Variants in DHRS12 observed in about 807,000 individuals in gnomAD.
The protein encoded by DHRS12 is dehydrogenase/reductase SDR family member 12.
A neutral mutation model predicts 32.1 loss-of-function variants in DHRS12; 29 were observed. That is an observed-to-expected ratio of 0.90 (90% CI 0.67 to 1.23). DHRS12 has a LOEUF of 1.23. DHRS12 is among the 50% of genes most tolerant of loss of function. The probability of loss-of-function intolerance (pLI) is 0.00; values close to 1 mark genes in which losing one functional copy is unlikely to be tolerated. For synonymous variants in DHRS12, 150 were observed against 135.9 expected (o/e 1.10, Z -0.72); for missense variants, 330 against 337.2 (o/e 0.98, Z 0.17).
At chr13:51,791,364 G>T in intron 2 of DHRS12, 107 bp from the exon 3 acceptor site, 1 of 609,140 alleles carries the variant, frequency 1.6e-6, no homozygotes, top group Non-Finnish European at 2.7e-6. Context: ...ACTTTGAAAT[G>T]ATATAAAACG....
In DHRS12 at chr13:51,782,922, G is replaced by T. The variant is rs1954785515; in HGVS notation, c.302-5801C>A. On this transcript the variant is annotated intron_variant, in intron 4 of 8. Coordinates refer to ENST00000444610, the MANE Select transcript of DHRS12 (RefSeq NM_001377533.1). This position sits in a 1 kb window ranked among gnomAD's most constrained non-coding sequence, Gnocchi z 4.2. ...AGGTCCTGGCCCACAGGAGGACTTG[G>T]ATTTGGGGCCGGTGCTCCTAGGCCA... Among the ~76,000 whole-genome samples, 2 of 152,192 alleles carry T rather than the reference G, an allele frequency of 1.3e-5. No homozygotes were observed. The highest frequency in any genetic ancestry group is 1.3e-4 in the Admixed American group (2 of 15,290).
intron 6 of DHRS12, among the ~76,000 whole-genome samples, chr13:51,773,567 G>A (rs1954145137): frequency 6.6e-6 from 1 of 152,092 alleles, no homozygotes. Flanking sequence ...CCCTCCCAGT[G>A]AGCCTCCGGG....
chr13:51,774,061 A>C (rs375957146), intron 5 of DHRS12, 27 bp from the exon 6 acceptor site: 29 of 1,607,570 alleles, frequency 1.8e-5, no homozygotes, highest in East Asian at 1.1e-4. Context: ...AGAGATTTAC[A>C]AACTAAAGCC....
rs982838935 is a variant in DHRS12, at chr13:51,798,001, G to T, written c.126+1533C>A. On this transcript the variant is annotated intron_variant, in intron 2 of 8. Coordinates refer to ENST00000444610, the MANE Select transcript of DHRS12 (RefSeq NM_001377533.1). Reference sequence around the variant, plus strand: ...AAAAATGAAGACATATGGGCTCACAGTTGACACTCTTCTGTTAAGCCTAGA... The same window carrying T: ...AAAAATGAAGACATATGGGCTCACATTTGACACTCTTCTGTTAAGCCTAGA... 5 of 1,253,542 alleles carry T rather than the reference G, an allele frequency of 4.0e-6. No individual in the cohort carries two copies. In the African/African-American group the frequency reaches 5.9e-5, roughly 15 times the overall value. 77.7% of individuals were successfully genotyped at this position (1,253,542 alleles called of 1,614,324 possible). A position where few individuals can be genotyped will look rare whatever the true frequency, so the allele number is the denominator to read the frequency against.
At chr13:51,768,351 C>T (rs1175773696) in intron 8 of DHRS12, 55 bp from the exon 9 acceptor site, 8 of 1,533,376 alleles carry the variant, frequency 5.2e-6, no homozygotes, top group Non-Finnish European at 7.0e-6. Flanking sequence ...GTGGCTGGGT[C>T]CATGTCCCTG....
At chr13:51,786,521 A>G (rs750101128) in intron 4 of DHRS12, among the ~76,000 whole-genome samples, 1 of 152,120 alleles carries the variant, frequency 6.6e-6, no homozygotes, top group Non-Finnish European at 1.5e-5. Flanking sequence ...CTTCCCCTCC[A>G]TGGCTCAACT....
At chr13:51,758,167 C>G in the DHRS12 span, 1 of 1,528,240 alleles carries the variant, frequency 6.5e-7, no homozygotes, top group South Asian at 1.2e-5. Flanking sequence ...CTTTTCCCCT[C>G]AGAAGCTTTC....
chr13:51,787,797 T>TAATATA (rs10657566), intron 4 of DHRS12, among the ~76,000 whole-genome samples: 1 of 125,988 alleles, frequency 7.9e-6, no homozygotes, highest in South Asian at 2.2e-4. Context: ...AATATATTAA[T>TAATATA]ATATATTTAT....
At chr13:51,772,154 A>G (rs899472724) in intron 6 of DHRS12, among the ~76,000 whole-genome samples, 1 of 152,146 alleles carries the variant, frequency 6.6e-6, no homozygotes, top group Non-Finnish European at 1.5e-5. Flanking sequence ...AAACACTGAG[A>G]GAGAAGGAAT....
intron 2 of DHRS12, among the ~76,000 whole-genome samples, chr13:51,795,083 A>G (rs1955455658): frequency 6.6e-6 from 1 of 152,158 alleles, no homozygotes; most frequent in African/African-American, 2.4e-5. Flanking sequence ...TTACCAAGCC[A>G]GCGTGTACAA....
At chr13:51,799,248 G>A (rs1367420860) in intron 2 of DHRS12, among the ~76,000 whole-genome samples, 1 of 152,166 alleles carries the variant, frequency 6.6e-6, no homozygotes, top group Non-Finnish European at 1.5e-5. Context: ...GGATTCTGAT[G>A]TCCAGGGTTT....
At chr13:51,756,949 C>T in the DHRS12 span, among the ~76,000 whole-genome samples, 1 of 152,138 alleles carries the variant, frequency 6.6e-6, no homozygotes. Context: ...GCCCAGTAAC[C>T]CAGGACATAG....
intron 8 of DHRS12, 122 bp downstream of exon 8, chr13:51,769,034 C>T: frequency 6.8e-7 from 1 of 1,463,488 alleles, no homozygotes; most frequent in Non-Finnish European, 9.0e-7. Context: ...GCCAAAGAAG[C>T]CCAGGCACCC....
At chr13:51,772,129 T>C (rs1436118780) in intron 6 of DHRS12, among the ~76,000 whole-genome samples, 1 of 152,072 alleles carries the variant, frequency 6.6e-6, no homozygotes, top group Non-Finnish European at 1.5e-5. Flanking sequence ...GAACAAGCAA[T>C]GAGCTAACGC....
chr13:51,772,727 T>C, intron 6 of DHRS12: 1 of 985,416 alleles, frequency 1.0e-6, no homozygotes, highest in Non-Finnish European at 1.2e-6. Flanking sequence ...CATCCCAGGG[T>C]AGTTTGATCA....
At position 51,771,927 on chromosome 13, in the gene DHRS12, C is replaced by A. The variant is rs761939908; in HGVS notation, c.469-16G>T. Reference sequence around the variant, plus strand: ...CTTGCTGCCTCTGGACAGGAAGGAGCGAGGGGGTGAACAGGAGAGAGGAGG... The same window carrying A: ...CTTGCTGCCTCTGGACAGGAAGGAGAGAGGGGGTGAACAGGAGAGAGGAGG... On this transcript the variant is annotated splice_polypyrimidine_tract_variant and intron_variant, in intron 6 of 8. Transcript: ENST00000444610. 1 of 1,613,360 alleles carries A rather than the reference C, an allele frequency of 6.2e-7. No individual in the cohort carries two copies. The highest frequency in any genetic ancestry group is 8.5e-7 in the Non-Finnish European group (1 of 1,179,556).
chr13:51,788,855 G>A (rs530893833), intron 4 of DHRS12, among the ~76,000 whole-genome samples: 2 of 151,138 alleles, frequency 1.3e-5, no homozygotes, highest in South Asian at 2.1e-4. Context: ...ACAAGATCCT[G>A]TCTCAAAAAA....
chr13:51,787,770 AAT>A (rs1955030033), intron 4 of DHRS12, among the ~76,000 whole-genome samples: 1 of 99,884 alleles, frequency 1.0e-5, no homozygotes, highest in Non-Finnish European at 1.9e-5. Context: ...TAATTATATA[AAT>A]TATATATAAT....
the DHRS12 span, chr13:51,762,019 T>C: frequency 2.6e-5 from 4 of 152,260 alleles, no homozygotes; most frequent in African/African-American, 9.6e-5. Flanking sequence ...GGGAATTAAA[T>C]TTAAAATATT....
Sources: gnomAD v4.1 joint callset for allele counts (sites outside exome capture counted in the v4.1 genomes callset) on GRCh38, gnomAD v4.1.1 for gene constraint, Gnocchi (gnomAD v3.1) non-coding constraint, MANE v1.5 for transcripts, NCBI Gene and HGNC (gene_info 2026-07-23, HGNC 2026-07-21) for gene names.